Variants in TENM1 observed in about 807,000 individuals in gnomAD.
TENM1 encodes the protein teneurin-1.
Under a neutral mutation model 174.8 loss-of-function variants are expected in TENM1, and 35 were observed. That is an observed-to-expected ratio of 0.20 (90% confidence interval 0.15 to 0.27). TENM1 has a LOEUF of 0.27. Ranked by LOEUF, TENM1 falls within the 10% of genes least tolerant of loss-of-function variation. The probability of loss-of-function intolerance (pLI) is 1.00; values close to 1 mark genes in which losing one functional copy is unlikely to be tolerated. For missense variants in TENM1, 1,633 were observed against 2,130.1 expected (o/e 0.77, Z 4.59); for synonymous variants, 781 against 798.7 (o/e 0.98, Z 0.37).
chrX:124,450,359 CAA>C (rs34309778), intron 23 of TENM1, among the ~76,000 whole-genome samples: 135 of 77,303 alleles, frequency 1.7e-3, no homozygotes, highest in African/African-American at 3.9e-3. Flanking sequence ...GACTCCGTCT[CAA>C]AAAAAAAAAA....
At chrX:125,068,579 T>C in the TENM1 span, among the ~76,000 whole-genome samples, 117 of 111,982 alleles carry the variant, frequency 1.0e-3, no homozygotes, top group African/African-American at 3.6e-3. Flanking sequence ...AGTTCACATT[T>C]CAGCTGGGGA....
the TENM1 span, among the ~76,000 whole-genome samples, chrX:125,148,004 T>C: frequency 9.0e-6 from 1 of 111,147 alleles, no homozygotes; most frequent in Non-Finnish European, 1.9e-5. Context: ...TAACTATACC[T>C]TCAAAATCTA....
the TENM1 span, among the ~76,000 whole-genome samples, chrX:125,071,477 T>G: frequency 9.0e-6 from 1 of 111,597 alleles, no homozygotes; most frequent in African/African-American, 3.2e-5. Context: ...TAAAGTAAAA[T>G]GCAATTATGT....
chrX:124,515,747 A>G (rs1479386969), intron 18 of TENM1, among the ~76,000 whole-genome samples: 1 of 110,351 alleles, frequency 9.1e-6, no homozygotes, highest in South Asian at 4.0e-4. Context: ...AAGCATCAAT[A>G]TCGTAAAAAT....
chrX:124,454,482 C>A (rs2061082071), intron 22 of TENM1, among the ~76,000 whole-genome samples: 1 of 110,824 alleles, frequency 9.0e-6, no homozygotes. Context: ...TGGCTCACTG[C>A]AACCTCCGCC....
intron 5 of TENM1, among the ~76,000 whole-genome samples, chrX:124,672,319 G>A (rs968382869): frequency 1.8e-5 from 2 of 111,230 alleles, no homozygotes; most frequent in African/African-American, 6.5e-5. Flanking sequence ...AGTTGCTGCC[G>A]GTGTTAAAAT....
chrX:124,645,618 T>G (rs1462032002), intron 9 of TENM1, among the ~76,000 whole-genome samples: 1 of 112,228 alleles, frequency 8.9e-6, no homozygotes, highest in African/African-American at 3.2e-5. Context: ...TAAGCTAGGA[T>G]TTTTCTTTCT....
At chrX:124,779,555 G>A (rs982473606) in intron 3 of TENM1, among the ~76,000 whole-genome samples, 2 of 111,583 alleles carry the variant, frequency 1.8e-5, no homozygotes, top group Non-Finnish European at 3.8e-5. Flanking sequence ...ACTAGGATGG[G>A]GCCTGAAGCT....
chrX:124,863,308 G>A lies in TENM1; in HGVS notation c.535+30988C>T, dbSNP rs144482954. On this transcript the variant is annotated intron_variant, in intron 3 of 31. Transcript: ENST00000422452. ...GTGAAGTGGGGCTAGAACACCAAGCGGGCTCTTGGGGTCCCCAGTTCCAGG... is the reference window on the plus strand; with the variant it reads ...GTGAAGTGGGGCTAGAACACCAAGCAGGCTCTTGGGGTCCCCAGTTCCAGG... 2.8e-3 allele frequency among the ~76,000 whole-genome samples: 306 copies of A among 110,071 alleles called. 2 individuals carry two copies. The highest frequency in any genetic ancestry group is 9.8e-3 in the African/African-American group (298 of 30,260).
chrX:124,642,297 G>T (rs1332781274), intron 10 of TENM1, among the ~76,000 whole-genome samples: 1 of 112,207 alleles, frequency 8.9e-6, no homozygotes, highest in Admixed American at 9.4e-5. Context: ...GTGGAGTACT[G>T]TGGGCCTTCA....
the TENM1 span, among the ~76,000 whole-genome samples, chrX:125,024,537 G>C: frequency 9.0e-6 from 1 of 110,931 alleles, no homozygotes; most frequent in Non-Finnish European, 1.9e-5. Flanking sequence ...TTATAAGTGG[G>C]AACTAAACAA....
the TENM1 span, among the ~76,000 whole-genome samples, chrX:125,135,356 G>T: frequency 8.9e-6 from 1 of 111,750 alleles, no homozygotes; most frequent in African/African-American, 3.3e-5. Context: ...GCTTTCAAAT[G>T]CTTGGCAGCA....
intron 11 of TENM1, among the ~76,000 whole-genome samples, chrX:124,586,889 C>A (rs2049535715): frequency 9.2e-6 from 1 of 109,056 alleles, no homozygotes; most frequent in Admixed American, 9.8e-5. Flanking sequence ...TCTTATACAC[C>A]AATAACAGAC....
At chrX:124,413,570 G>A (rs111790687) in intron 25 of TENM1, among the ~76,000 whole-genome samples, 187 of 111,999 alleles carry the variant, frequency 1.7e-3, no homozygotes, top group Non-Finnish European at 2.5e-3. Flanking sequence ...ACCAGCTTCT[G>A]TTACTTCTGT....
intron 11 of TENM1, among the ~76,000 whole-genome samples, chrX:124,588,132 C>T (rs896909767): frequency 1.1e-4 from 12 of 110,933 alleles, no homozygotes; most frequent in Non-Finnish European, 2.1e-4. Flanking sequence ...GTTAGTGTAG[C>T]GATTTCCTCG....
At chrX:124,691,847 T>C (rs1449213448) in intron 5 of TENM1, among the ~76,000 whole-genome samples, 3 of 111,573 alleles carry the variant, frequency 2.7e-5, no homozygotes, top group African/African-American at 6.5e-5. Flanking sequence ...TGAATTTTCA[T>C]CTTATACAAG....
At chrX:125,058,898 A>G in the TENM1 span, among the ~76,000 whole-genome samples, 1 of 110,595 alleles carries the variant, frequency 9.0e-6, no homozygotes, top group Admixed American at 9.7e-5. Flanking sequence ...CATGCCATCC[A>G]TTTAAAGTAT....
intron 14 of TENM1, among the ~76,000 whole-genome samples, chrX:124,551,430 G>A (rs1420960004): frequency 5.4e-5 from 6 of 110,405 alleles, no homozygotes; most frequent in South Asian, 3.9e-4. Context: ...GCAAGTTCTC[G>A]TACAACATAG....
At chrX:125,154,846 C>T in the TENM1 span, among the ~76,000 whole-genome samples, 45 of 108,234 alleles carry the variant, frequency 4.2e-4, no homozygotes, top group African/African-American at 1.5e-3. Flanking sequence ...TCGTTCCTCC[C>T]GGTGCGTTCG....
Sources: gnomAD v4.1 joint callset for allele counts (sites outside exome capture counted in the v4.1 genomes callset) on GRCh38, gnomAD v4.1.1 for gene constraint, MANE v1.5 for transcripts, NCBI Gene and HGNC (gene_info 2026-07-23, HGNC 2026-07-21) for gene names.